Variants in L1CAM observed in about 807,000 individuals in gnomAD.
L1CAM encodes the protein L1 cell adhesion molecule.
L1CAM carries 8 observed loss-of-function variants against 93.0 expected under a neutral mutation model. The ratio of observed to expected loss-of-function variants is 0.09; its 90% CI spans 0.05 to 0.16. The LOEUF is 0.16. Ranked by LOEUF, L1CAM falls within the 10% of genes least tolerant of loss-of-function variation. L1CAM has a pLI of 1.00. For missense variants in L1CAM, 777 were observed against 1,073.4 expected, an observed-to-expected ratio of 0.72 and a Z score of 3.86; for synonymous variants, 453 against 453.0, an observed-to-expected ratio of 1.00 and a Z score of 0.00.
At chrX:153,883,103 C>T (rs1459863510) in intron 1 of L1CAM, among the ~76,000 whole-genome samples, 2 of 111,924 alleles carry the variant, frequency 1.8e-5, no homozygotes, top group African/African-American at 6.5e-5. Context: ...TGGGCCCAAC[C>T]CCAAGGCGTA....
intron 11 of L1CAM, chrX:153,869,169 T>A (rs782668997): frequency 1.3e-5 from 6 of 454,337 alleles, no homozygotes; most frequent in Non-Finnish European, 2.3e-5. Flanking sequence ...ACCCAACTTT[T>A]ACGTTATTCC....
At chrX:153,863,737 G>A in intron 26 of L1CAM, 146 bp downstream of exon 26, 1 of 935,707 alleles carries the variant, frequency 1.1e-6, no homozygotes, top group Non-Finnish European at 1.5e-6. Context: ...GGCCTGGGAG[G>A]ATGATCCCCC....
intron 11 of L1CAM, chrX:153,869,272 C>A (rs2064744760): frequency 2.2e-6 from 1 of 463,872 alleles, no homozygotes; most frequent in Non-Finnish European, 3.8e-6. Flanking sequence ...CCTGGGCTGG[C>A]CTTGGTCACA....
rs202237037 is a variant in L1CAM, at chrX:153,864,310, C to T, written c.3322+12G>A. 85 of 1,208,208 alleles carry T rather than the reference C, an allele frequency of 7.0e-5. No individual in the cohort carries two copies. Among genetic ancestry groups the T allele is most frequent in the Non-Finnish European group, 9.3e-5 (83 of 894,099 alleles). Reference sequence around the variant, plus strand: ...TTCCCTGGCAGGTGATGGCGGGCCCCCGGCGCCTCACCTGTGCCATTGGTC... The same window carrying T: ...TTCCCTGGCAGGTGATGGCGGGCCCTCGGCGCCTCACCTGTGCCATTGGTC... On this transcript the variant is annotated intron_variant, in intron 25 of 28. Transcript: ENST00000370060.
chrX:153,876,247 C>T, intron 1 of L1CAM: 2 of 377,059 alleles, frequency 5.3e-6, no homozygotes, highest in African/African-American at 5.0e-5. Flanking sequence ...ATCAGCTCCC[C>T]TGTGCATGGC....
intron 2 of L1CAM, 132 bp downstream of exon 2, chrX:153,875,629 C>T (rs1486868841): frequency 2.8e-5 from 17 of 604,171 alleles, no homozygotes; most frequent in Non-Finnish European, 4.5e-5. Context: ...TATCTCCTGC[C>T]CACCCTGTGC....
rs1032992615 is a variant in L1CAM, at chrX:153,865,486, C to T, written c.2562G>A (p.Arg854=). 1 of 1,211,034 alleles carries T rather than the reference C, an allele frequency of 8.3e-7. No homozygotes were observed. The highest frequency in any genetic ancestry group is 1.1e-6 in the Non-Finnish European group (1 of 894,969). The change falls in exon 21 of 29, where the codon AGG becomes AGA. Residue 854 remains arginine, a synonymous_variant. Coordinates refer to ENST00000370060, the MANE Select transcript of L1CAM (RefSeq NM_001278116.2). ...HLRGYNVTYW[R]EGSQRKHSKR... ...TGCTGTGCTTCCTCTGACTGCCCTC[C>T]CTCCAGTACGTCACCTGCACAAGCG... is the stretch of plus-strand genomic sequence containing the variant.
intron 1 of L1CAM, among the ~76,000 whole-genome samples, chrX:153,877,111 C>T (rs1407489440): frequency 9.4e-6 from 1 of 105,885 alleles, no homozygotes; most frequent in African/African-American, 3.5e-5. Context: ...AGTTCAAAAC[C>T]AGCCAGGCCA....
Position 153,868,676 on chromosome X carries a change from A to G in L1CAM, c.1431T>C (p.Tyr477=), listed in dbSNP as rs781886570. 1 of 1,211,739 alleles carries G rather than the reference A, an allele frequency of 8.3e-7. No individual in the cohort carries two copies. Among genetic ancestry groups the G allele is most frequent in the Non-Finnish European group, 1.1e-6 (1 of 895,329 alleles). The change falls in exon 13 of 29, where the codon TAT becomes TAC. Residue 477 remains tyrosine, a synonymous_variant. Coordinates refer to ENST00000370060, the MANE Select transcript of L1CAM (RefSeq NM_001278116.2). The part of the protein sequence containing the change: ...TVLQDERFFP[Y]ANGTLGIRDL... The stretch of plus-strand genomic sequence containing the variant: ...CTCGAATGCCCAGGGTCCCATTGGC[A>G]TAGGGGAAGAAGCGTTCGTCCTGAA...
chrX:153,864,234 A>T, intron 25 of L1CAM, 88 bp downstream of exon 25: 1 of 1,065,448 alleles, frequency 9.4e-7, no homozygotes, highest in Admixed American at 2.2e-5. Context: ...GAGCCTGGGC[A>T]GTAGTGGCCA....
chrX:153,865,659 A>G (rs1557090670), intron 20 of L1CAM, 45 bp downstream of exon 20: 7 of 1,044,615 alleles, frequency 6.7e-6, no homozygotes, highest in Middle Eastern at 2.5e-4. Context: ...CTGTCGCTTT[A>G]CCTCAGTGAT....
At chrX:153,874,280 G>A (rs2064796885) in intron 2 of L1CAM, among the ~76,000 whole-genome samples, 1 of 112,953 alleles carries the variant, frequency 8.9e-6, no homozygotes. Context: ...ATGGCCTTTT[G>A]GCCTAGTTCT....
Position 153,868,675 on chromosome X carries a change from C to A in L1CAM, c.1432G>T (p.Ala478Ser). 1 of 1,211,941 alleles carries A rather than the reference C, an allele frequency of 8.3e-7. No individual in the cohort carries two copies. The highest frequency in any genetic ancestry group is 1.8e-5 in the South Asian group (1 of 57,011). The change falls in exon 13 of 29, where the codon GCC becomes TCC. Residue 478 changes from alanine (A) to serine (S), a missense_variant. This residue lies in a region of L1CAM where 574 missense variants were observed against 781.0 expected (regional missense o/e 0.73). Transcript: ENST00000370060. ...TCTCGAATGCCCAGGGTCCCATTGG[C>A]ATAGGGGAAGAAGCGTTCGTCCTGA... is the stretch of plus-strand genomic sequence containing the variant. ...VLQDERFFPY[A>S]NGTLGIRDLQ...
intron 1 of L1CAM, chrX:153,885,550 C>G (rs2064873975): frequency 1.3e-5 from 5 of 387,028 alleles, no homozygotes; most frequent in South Asian, 3.2e-5. Context: ...CTCCCCTCCC[C>G]CCATTGCAGG....
Position 153,872,296 on chromosome X carries a change from C to T in L1CAM, c.256G>A (p.Val86Met), listed in dbSNP as rs149309725. The T allele has an allele frequency of 8.7e-5, 105 of 1,204,085 alleles. No homozygotes were observed. Among genetic ancestry groups the T allele is most frequent in the African/African-American group, 1.8e-4 (10 of 55,566 alleles). The change falls in exon 5 of 29, where the codon GTG becomes ATG. Residue 86 changes from valine to methionine, a missense_variant. Coordinates refer to ENST00000370060, the MANE Select transcript of L1CAM (RefSeq NM_001278116.2). The part of the protein sequence containing the change: ...FKPKEELGVT[V>M]YQSPHSGSFT... The stretch of plus-strand genomic sequence containing the variant: ...GAGCCAGAGTGGGGCGACTGGTACA[C>T]GGTCACACCCAGCTCTTCCTTGGGT...
rs2064721752 is a variant in L1CAM at position 153,867,197 on chromosome X, A to G, written c.2138-73T>C. On this transcript the variant is annotated intron_variant, in intron 17 of 28. Coordinates refer to ENST00000370060, the MANE Select transcript of L1CAM (RefSeq NM_001278116.2). ...AGCCACGAGGACCGAGGGCCAAGGA[A>G]CAAATGGCTCATTCTGGCACCAAGG... The G allele has an allele frequency of 2.9e-6, 3 of 1,029,947 alleles. No individual in the cohort carries two copies. The Admixed American group carries it at 6.6e-5, about 23-fold the overall frequency. The allele number at this position is 1,029,947 out of a possible 1,213,427, so 84.9% of individuals were successfully genotyped here. A position where few individuals can be genotyped will look rare whatever the true frequency, so the allele number is the denominator to read the frequency against.
chrX:153,885,764 A>T, intron 1 of L1CAM: 1 of 772,746 alleles, frequency 1.3e-6, no homozygotes, highest in Non-Finnish European at 1.6e-6. Context: ...CCGCCTGCCC[A>T]CACAGACCCT....
rs200605257 is a variant in L1CAM at position 153,866,709 on chromosome X, C to T, written c.2371G>A (p.Val791Ile). 22 of 1,209,565 alleles carry T rather than the reference C, an allele frequency of 1.8e-5. No individual in the cohort carries two copies. The highest frequency in any genetic ancestry group is 2.3e-4 in the Middle Eastern group (1 of 4,374). The change falls in exon 19 of 29, where the codon GTC becomes ATC. Residue 791 changes from valine (V) to isoleucine (I), a missense_variant. This residue lies in a region of L1CAM where 574 missense variants were observed against 781.0 expected (regional missense o/e 0.73). Coordinates refer to ENST00000370060, the MANE Select transcript of L1CAM (RefSeq NM_001278116.2). ...TCTGGTCCCTTGCCCTGGCTGTTGA[C>T]GGCCTGGACTTTGATCTCATAGGGC... ...FVPYEIKVQA[V>I]NSQGKGPEPQ...
At chrX:153,863,753 G>T in intron 26 of L1CAM, 130 bp downstream of exon 26, 2 of 989,422 alleles carry the variant, frequency 2.0e-6, no homozygotes, top group Non-Finnish European at 2.8e-6. Context: ...CCCCCTGCCT[G>T]CCCCCACCAT....
Sources: gnomAD v4.1 joint callset for allele counts (sites outside exome capture counted in the v4.1 genomes callset) on GRCh38, gnomAD v4.1.1 for gene constraint, gnomAD v4.1.1 regional missense constraint, MANE v1.5 for transcripts, NCBI Gene and HGNC (gene_info 2026-07-23, HGNC 2026-07-21) for gene names.